The following EIF5B variants were observed in gnomAD, a reference collection of about 807,000 sequenced individuals.
EIF5B encodes the protein eukaryotic translation initiation factor 5B.
In EIF5B, 47 loss-of-function variants were observed where a neutral mutation model predicts 147.5. The ratio of observed to expected loss-of-function variants is 0.32; its 90% CI spans 0.25 to 0.41. The LOEUF is 0.41. EIF5B is among the 10% of genes least tolerant of loss of function. The pLI, the probability that EIF5B is intolerant of heterozygous loss-of-function variation, is 1.00. For synonymous variants in EIF5B, 455 were observed against 456.2 expected (o/e 1.00, Z 0.03); for missense variants, 1,064 against 1,413.2 (o/e 0.75, Z 3.96).
intron 12 of EIF5B, among the ~76,000 whole-genome samples, chr2:99,381,930 T>C (rs1219178534): frequency 1.3e-5 from 2 of 152,188 alleles, no homozygotes; most frequent in African/African-American, 4.8e-5. Context: ...TTGTAAGACC[T>C]TAAGAAAGGA....
chr2:99,337,587 C>G lies in EIF5B; in HGVS notation c.33C>G (p.Asp11Glu). Residue 11 changes from aspartate (D) to glutamate (E), a missense_variant and splice_region_variant, in exon 1 of 24, where the codon GAC becomes GAG. Transcript: ENST00000289371. ...AGAAACAGAAAAACAAGAGCGAAGA[C>G]AGGTAGATAGGGGTTGGGTCCGTAC... is the stretch of plus-strand genomic sequence containing the variant. MGKKQKNKSE[D>E]STKDDIDLDA... 1 of 1,612,766 alleles carries G rather than the reference C, an allele frequency of 6.2e-7. No homozygotes were observed. Among genetic ancestry groups the G allele is most frequent in the South Asian group, 1.1e-5 (1 of 90,956 alleles).
intron 1 of EIF5B, among the ~76,000 whole-genome samples, chr2:99,350,725 G>A (rs1254923925): frequency 1.3e-5 from 2 of 152,014 alleles, no homozygotes; most frequent in Admixed American, 1.3e-4. Context: ...CACTCTGTTG[G>A]TTGTTTCCTT....
chr2:99,342,635 C>G (rs2094262579), intron 1 of EIF5B, among the ~76,000 whole-genome samples: 1 of 149,468 alleles, frequency 6.7e-6, no homozygotes, highest in African/African-American at 2.5e-5. Flanking sequence ...TCCTTTTCTC[C>G]TTCCTTTCTG....
Position 99,361,688 on chromosome 2 carries a change from A to G in EIF5B, c.787A>G (p.Lys263Glu), listed in dbSNP as rs567537927. 8.2e-5 allele frequency: 132 copies of G among 1,601,362 alleles called. No homozygotes were observed. In the South Asian group the frequency reaches 1.4e-3, roughly 17 times the overall value. ...LKEKEELETG[K>E]KDQSKQKESQ... ...AGAAAAAGAAGAGTTAGAAACAGGT[A>G]AAAAGGATCAGAGTAAACAAAAGGA... Residue 263 changes from lysine (K) to glutamate (E), a missense_variant, in exon 4 of 24, where the codon AAA becomes GAA. Lys to Glu is a moderately conservative substitution (Grantham distance 56). Transcript: ENST00000289371.
chr2:99,386,611 C>T lies in EIF5B; in HGVS notation c.2272-3107C>T, dbSNP rs968979205. ...GTGGCGCACTCTTGGTTAACTACAA[C>T]GTCCGCCTCCCAGGCTCAAGCGATT... On this transcript the variant is annotated intron_variant, in intron 14 of 23. Coordinates refer to ENST00000289371, the MANE Select transcript of EIF5B (RefSeq NM_015904.4). Among the ~76,000 whole-genome samples the T allele has an allele frequency of 7.3e-5, 11 of 150,294 alleles. 1 individual carries two copies. Among genetic ancestry groups the T allele is most frequent in the Admixed American group, 5.3e-4 (8 of 15,050 alleles).
At chr2:99,379,566 C>T in intron 12 of EIF5B, 138 bp downstream of exon 12, 1 of 624,874 alleles carries the variant, frequency 1.6e-6, no homozygotes, top group Non-Finnish European at 2.7e-6. Context: ...ACTATTTTGC[C>T]TATTTTGCTT....
intron 1 of EIF5B, among the ~76,000 whole-genome samples, chr2:99,356,632 C>T (rs982666754): frequency 1.3e-5 from 2 of 151,884 alleles, no homozygotes; most frequent in Non-Finnish European, 2.9e-5. Flanking sequence ...TGTGTGTTTT[C>T]GTGTGTTTTG....
chr2:99,338,305 C>T, intron 1 of EIF5B: 1 of 1,288,338 alleles, frequency 7.8e-7, no homozygotes, highest in South Asian at 1.2e-5. Context: ...AGGGTATATG[C>T]GAGTTACTTA....
At chr2:99,371,800 A>T in intron 9 of EIF5B, 70 bp downstream of exon 9, 1 of 1,383,404 alleles carries the variant, frequency 7.2e-7, no homozygotes, top group Non-Finnish European at 9.8e-7. Flanking sequence ...TATTTAAATG[A>T]ATAGTCTTTT....
At chr2:99,363,318 A>G (rs1314388422) in intron 4 of EIF5B, among the ~76,000 whole-genome samples, 1 of 152,210 alleles carries the variant, frequency 6.6e-6, no homozygotes, top group African/African-American at 2.4e-5. Flanking sequence ...GTTGGACACC[A>G]GCCACTCAGG....
At chr2:99,392,802 G>T (rs1184387789) in intron 17 of EIF5B, among the ~76,000 whole-genome samples, 165 bp from the exon 18 acceptor site, 1 of 151,974 alleles carries the variant, frequency 6.6e-6, no homozygotes, top group Non-Finnish European at 1.5e-5. Context: ...TTGAGAAATG[G>T]AAATATTTAA....
intron 1 of EIF5B, among the ~76,000 whole-genome samples, chr2:99,356,204 G>T (rs903589200): frequency 6.6e-6 from 1 of 152,152 alleles, no homozygotes; most frequent in African/African-American, 2.4e-5. Context: ...TAGTTTCTCA[G>T]ATTTCATTAT....
intron 9 of EIF5B, among the ~76,000 whole-genome samples, chr2:99,374,175 G>C (rs1028890998): frequency 6.6e-6 from 1 of 151,218 alleles, no homozygotes; most frequent in Non-Finnish European, 1.5e-5. Flanking sequence ...TGTAATCCTA[G>C]CTACTCAGGT....
At chr2:99,343,470 A>T (rs544809993) in intron 1 of EIF5B, among the ~76,000 whole-genome samples, 1 of 151,920 alleles carries the variant, frequency 6.6e-6, no homozygotes, top group African/African-American at 2.4e-5. Context: ...TGTATCTGAG[A>T]TAATCTGTTG....
At position 99,390,421 on chromosome 2, in the gene EIF5B, T is replaced by C. The variant is rs1559259865; in HGVS notation, c.2586+20T>C. 1 of 1,540,930 alleles carries C rather than the reference T, an allele frequency of 6.5e-7. No individual in the cohort carries two copies. The highest frequency in any genetic ancestry group is 2.3e-5 in the East Asian group (1 of 44,194). On this transcript the variant is annotated intron_variant, in intron 16 of 23. Coordinates refer to ENST00000289371, the MANE Select transcript of EIF5B (RefSeq NM_015904.4). Reference sequence around the variant, plus strand: ...ATGGAGGTAATGATCAACTTTTCAGTTTATTGTTTTTTTTTTTTTTAAAAA... The same window carrying C: ...ATGGAGGTAATGATCAACTTTTCAGCTTATTGTTTTTTTTTTTTTTAAAAA...
chr2:99,389,615 C>T (rs1674881408), intron 14 of EIF5B, 103 bp from the exon 15 acceptor site: 2 of 1,065,554 alleles, frequency 1.9e-6, no homozygotes, highest in African/African-American at 3.3e-5. Context: ...TCACACTGTT[C>T]TGTATATATG....
intron 6 of EIF5B, among the ~76,000 whole-genome samples, chr2:99,365,935 A>G (rs998742981): frequency 6.6e-6 from 1 of 152,122 alleles, no homozygotes; most frequent in Non-Finnish European, 1.5e-5. Flanking sequence ...TGCTTACCAC[A>G]TTTATTACCT....
intron 1 of EIF5B, among the ~76,000 whole-genome samples, chr2:99,346,048 A>C (rs149625769): frequency 7.9e-5 from 12 of 152,206 alleles, no homozygotes; most frequent in Admixed American, 6.5e-4. Context: ...CACAGATAAT[A>C]CAGAGTGAAG....
chr2:99,363,346 T>C (rs1452128339), intron 4 of EIF5B, among the ~76,000 whole-genome samples: 2 of 152,228 alleles, frequency 1.3e-5, no homozygotes, highest in African/African-American at 2.4e-5. Flanking sequence ...GATTTAGAGA[T>C]ACATTAGGTA....
Sources: gnomAD v4.1 joint callset for allele counts (sites outside exome capture counted in the v4.1 genomes callset) on GRCh38, gnomAD v4.1.1 for gene constraint, MANE v1.5 for transcripts, NCBI Gene and HGNC (gene_info 2026-07-23, HGNC 2026-07-21) for gene names.